Variants in PALM2AKAP2 observed in about 807,000 individuals in gnomAD.
PALM2AKAP2 encodes the protein PALM2-AKAP2 fusion protein.
PALM2AKAP2 carries 37 observed loss-of-function variants against 71.5 expected under a neutral mutation model. The observed-to-expected ratio is 0.52, with a 90% CI of 0.40 to 0.68. The LOEUF is 0.68. Ranked by LOEUF, PALM2AKAP2 falls within the 30% of genes least tolerant of loss-of-function variation. The pLI, the probability that PALM2AKAP2 is intolerant of heterozygous loss-of-function variation, is 0.00. For synonymous variants in PALM2AKAP2, 468 were observed against 478.8 expected (o/e 0.98, Z 0.29); for missense variants, 1,224 against 1,191.8 (o/e 1.03, Z -0.40).
At chr9:109,763,815 C>T (rs925813016) in intron 1 of PALM2AKAP2, among the ~76,000 whole-genome samples, 1 of 152,142 alleles carries the variant, frequency 6.6e-6, no homozygotes, top group African/African-American at 2.4e-5. Context: ...CTCATGGACA[C>T]ATTGCTCCAA....
At chr9:110,100,296 G>A (rs1834966093) in intron 1 of PALM2AKAP2, among the ~76,000 whole-genome samples, 1 of 152,010 alleles carries the variant, frequency 6.6e-6, no homozygotes, top group Non-Finnish European at 1.5e-5. Context: ...GTAACAACAC[G>A]TGCAGCAACC....
intron 1 of PALM2AKAP2, among the ~76,000 whole-genome samples, chr9:109,800,297 C>A (rs947884672): frequency 7.9e-5 from 12 of 152,334 alleles, no homozygotes; most frequent in African/African-American, 2.9e-4. Context: ...TTAATATATA[C>A]TACTGTTATG....
chr9:110,116,381 T>C (rs10980208), intron 1 of PALM2AKAP2, among the ~76,000 whole-genome samples: 43,566 of 151,886 alleles, frequency 0.29, 6,520 homozygotes, highest in African/African-American at 0.37. Flanking sequence ...TGTGCGTGTG[T>C]GTGTGTGCGC....
intron 1 of PALM2AKAP2, among the ~76,000 whole-genome samples, chr9:109,842,784 G>T (rs969020201): frequency 6.6e-6 from 1 of 152,178 alleles, no homozygotes; most frequent in African/African-American, 2.4e-5. Context: ...GGAGGCCAAG[G>T]TGGGAGGATC....
chr9:109,846,082 A>G (rs1234572568), intron 1 of PALM2AKAP2, among the ~76,000 whole-genome samples: 3 of 152,150 alleles, frequency 2.0e-5, no homozygotes, highest in Admixed American at 1.3e-4. Context: ...GATTGGGTGA[A>G]TCAGGGTGAT....
chr9:110,107,178 A>G (rs1835139495), intron 1 of PALM2AKAP2, among the ~76,000 whole-genome samples: 1 of 152,228 alleles, frequency 6.6e-6, no homozygotes, highest in South Asian at 2.1e-4. Context: ...TTAGTGTCCT[A>G]TAGCACCATA....
intron 1 of PALM2AKAP2, among the ~76,000 whole-genome samples, chr9:110,117,562 T>A (rs747020097): frequency 1.3e-5 from 2 of 152,214 alleles, no homozygotes; most frequent in Non-Finnish European, 2.9e-5. Flanking sequence ...TGAAAGAGTA[T>A]ACCTGAGTCT....
intron 6 of PALM2AKAP2, among the ~76,000 whole-genome samples, chr9:109,984,683 T>A (rs1489126875): frequency 6.8e-6 from 1 of 147,704 alleles, no homozygotes; most frequent in Non-Finnish European, 1.5e-5. Context: ...ATAGGAAGAA[T>A]CTAGCTCTAT....
At chr9:109,827,268 A>G (rs1828176422) in intron 1 of PALM2AKAP2, among the ~76,000 whole-genome samples, 1 of 152,222 alleles carries the variant, frequency 6.6e-6, no homozygotes, top group Non-Finnish European at 1.5e-5. Flanking sequence ...TCAGTCTAGG[A>G]AAGTTATTCT....
chr9:109,848,988 G>T (rs986560353), intron 1 of PALM2AKAP2, among the ~76,000 whole-genome samples: 2 of 151,982 alleles, frequency 1.3e-5, no homozygotes, highest in Non-Finnish European at 2.9e-5. Flanking sequence ...TGTTAACTTT[G>T]ATAGGACAAG....
chr9:109,894,455 A>G (rs1191140562), intron 3 of PALM2AKAP2, among the ~76,000 whole-genome samples: 3 of 152,224 alleles, frequency 2.0e-5, no homozygotes, highest in Non-Finnish European at 4.4e-5. Context: ...TATTGAAAGT[A>G]TGGTCCAGGG....
At chr9:110,059,100 A>G (rs1376631909) in intron 1 of PALM2AKAP2, among the ~76,000 whole-genome samples, 2 of 151,928 alleles carry the variant, frequency 1.3e-5, no homozygotes, top group South Asian at 2.1e-4. Flanking sequence ...GGGTTTCACC[A>G]TGTTTGCCAG....
chr9:110,048,929 T>C (rs1413806746), intron 1 of PALM2AKAP2: 2 of 1,409,198 alleles, frequency 1.4e-6, no homozygotes, highest in African/African-American at 1.5e-5. Context: ...GAGGAAGGGG[T>C]TGCCGAGGAA....
At chr9:109,863,969 A>T (rs576715477) in intron 1 of PALM2AKAP2, among the ~76,000 whole-genome samples, 5 of 152,158 alleles carry the variant, frequency 3.3e-5, no homozygotes, top group African/African-American at 1.2e-4. Context: ...AATCCCAGCT[A>T]CTCGGGAGGC....
chr9:110,120,671 T>C (rs1045091141), intron 1 of PALM2AKAP2, among the ~76,000 whole-genome samples: 2 of 152,196 alleles, frequency 1.3e-5, no homozygotes, highest in African/African-American at 2.4e-5. Flanking sequence ...ACCCGGCTAA[T>C]TTTTGTATTT....
chr9:109,895,613 C>T (rs1047723973), intron 3 of PALM2AKAP2, among the ~76,000 whole-genome samples: 3 of 152,152 alleles, frequency 2.0e-5, no homozygotes, highest in Non-Finnish European at 4.4e-5. Context: ...TCGAACTATA[C>T]TTACCTTCTC....
intron 1 of PALM2AKAP2, among the ~76,000 whole-genome samples, chr9:109,721,182 C>T (rs894974857): frequency 6.6e-6 from 1 of 152,206 alleles, no homozygotes; most frequent in African/African-American, 2.4e-5. Flanking sequence ...CTAGAGGATT[C>T]CCAGCTAATC....
intron 3 of PALM2AKAP2, among the ~76,000 whole-genome samples, chr9:109,899,320 C>G (rs557414953): frequency 6.6e-6 from 1 of 152,224 alleles, no homozygotes; most frequent in African/African-American, 2.4e-5. Flanking sequence ...TTCAAATCCT[C>G]TATCTAATCA....
At chr9:110,060,371 G>A (rs1321483219) in intron 1 of PALM2AKAP2, among the ~76,000 whole-genome samples, 1 of 151,642 alleles carries the variant, frequency 6.6e-6, no homozygotes, top group Admixed American at 6.6e-5. Flanking sequence ...CCAAAGTGCT[G>A]GGATGGGCCA....
Sources: gnomAD v4.1 joint callset for allele counts (sites outside exome capture counted in the v4.1 genomes callset) on GRCh38, gnomAD v4.1.1 for gene constraint, MANE v1.5 for transcripts, NCBI Gene and HGNC (gene_info 2026-07-23, HGNC 2026-07-21) for gene names.